The following APAF1 variants were observed in gnomAD, a reference collection of about 807,000 sequenced individuals.
APAF1 encodes the protein apoptotic peptidase activating factor 1.
A neutral mutation model predicts 152.4 loss-of-function variants in APAF1; 91 were observed. That is an observed-to-expected ratio of 0.60 (90% CI 0.50 to 0.71). The LOEUF (loss-of-function observed/expected upper bound fraction) is 0.71, where lower values mean the gene tolerates loss of function less well. APAF1 is among the 30% of genes least tolerant of loss of function. APAF1 has a pLI of 0.00. For missense variants in APAF1, 1,283 were observed against 1,472.0 expected, an observed-to-expected ratio of 0.87 and a Z score of 2.10; for synonymous variants, 484 against 494.1, an observed-to-expected ratio of 0.98 and a Z score of 0.27.
intron 15 of APAF1, among the ~76,000 whole-genome samples, chr12:98,685,424 CT>C (rs1205328828): frequency 1.3e-5 from 2 of 151,944 alleles, no homozygotes; most frequent in Non-Finnish European, 2.9e-5. Flanking sequence ...CAACCTCTGC[CT>C]CCCGGGTTCA....
intron 15 of APAF1, among the ~76,000 whole-genome samples, chr12:98,683,604 A>G (rs886906499): frequency 6.6e-6 from 1 of 152,130 alleles, no homozygotes; most frequent in Non-Finnish European, 1.5e-5. Context: ...AAATGTGGCT[A>G]CCTTACAGCT....
intron 1 of APAF1, among the ~76,000 whole-genome samples, chr12:98,647,245 G>A (rs1374682412): frequency 1.4e-5 from 2 of 143,780 alleles, no homozygotes; most frequent in African/African-American, 2.5e-5. Context: ...GTGAAACCCC[G>A]TCTGTACTAA....
chr12:98,695,318 T>C (rs952249848), intron 16 of APAF1, among the ~76,000 whole-genome samples: 1 of 151,674 alleles, frequency 6.6e-6, no homozygotes, highest in African/African-American at 2.4e-5. Flanking sequence ...CCCAAAGTTC[T>C]GGGATTACAG....
In APAF1 at chr12:98,706,511, G is replaced by A; in HGVS notation, c.2622G>A (p.Lys874=). Residue 874 remains lysine, a synonymous_variant, in exon 19 of 27, where the codon AAG becomes AAA. Coordinates refer to ENST00000551964, the MANE Select transcript of APAF1 (RefSeq NM_181861.2). ...VELWNTDSRS[K]VADCRGHLSW... ...TGTGGAATACAGACTCACGTTCAAA[G>A]GTGGCTGATTGCAGAGGACATTTAA... 1.2e-6 allele frequency: 2 copies of A among 1,614,040 alleles called. No individual in the cohort carries two copies. Among genetic ancestry groups the A allele is most frequent in the Non-Finnish European group, 1.7e-6 (2 of 1,179,926 alleles).
At chr12:98,727,569 C>T (rs559834927) in intron 26 of APAF1, among the ~76,000 whole-genome samples, 5 of 145,926 alleles carry the variant, frequency 3.4e-5, no homozygotes, top group Middle Eastern at 7.1e-3. Context: ...AAAAATCTGG[C>T]AGTAAAATGA....
At chr12:98,700,849 C>A (rs2097714640) in intron 17 of APAF1, among the ~76,000 whole-genome samples, 1 of 152,178 alleles carries the variant, frequency 6.6e-6, no homozygotes, top group African/African-American at 2.4e-5. Flanking sequence ...TAAATGGAAT[C>A]ATATAATATC....
chr12:98,649,846 G>C (rs1367732787), intron 4 of APAF1, among the ~76,000 whole-genome samples, 162 bp downstream of exon 4: 1 of 152,164 alleles, frequency 6.6e-6, no homozygotes, highest in Non-Finnish European at 1.5e-5. Flanking sequence ...GGGATGGATA[G>C]GACAAGCTTC....
In APAF1 at chr12:98,715,521, TTA is replaced by T; in HGVS notation, c.3055_3056del (p.Ile1019PhefsTer4). Reference sequence around the variant, plus strand: ...CAGTTCACAGCCGATGAGAAGACTCTTATTTCAAGTTCTGATGATGCTGAAAT... The same window carrying T: ...CAGTTCACAGCCGATGAGAAGACTCTTTTCAAGTTCTGATGATGCTGAAAT... On this transcript the variant is annotated frameshift_variant, in exon 22 of 27. Coordinates refer to ENST00000551964, the MANE Select transcript of APAF1 (RefSeq NM_181861.2). LOFTEE classifies it high-confidence loss of function. 6.2e-7 allele frequency: 1 copy of T among 1,613,758 alleles called. No individual in the cohort carries two copies. Among genetic ancestry groups the T allele is most frequent in the South Asian group, 1.1e-5 (1 of 91,056 alleles).
At chr12:98,661,696 C>T (rs568202004) in intron 5 of APAF1, among the ~76,000 whole-genome samples, 1 of 151,876 alleles carries the variant, frequency 6.6e-6, no homozygotes, top group African/African-American at 2.4e-5. Context: ...CTCAAACTCC[C>T]GACCTCAGGT....
intron 22 of APAF1, among the ~76,000 whole-genome samples, chr12:98,719,330 A>G (rs140641536): frequency 1.4e-3 from 208 of 151,950 alleles, no homozygotes; most frequent in African/African-American, 4.7e-3. Context: ...CATAATGCCG[A>G]TTTTGTTGCT....
chr12:98,694,051 G>GAGATA lies in APAF1; in HGVS notation c.2305-5357_2305-5356insAGATA, dbSNP rs112090662. Among the ~76,000 whole-genome samples, 112 of 152,234 alleles carry GAGATA rather than the reference G, an allele frequency of 7.4e-4. 1 individual carries two copies. Among genetic ancestry groups the GAGATA allele is most frequent in the African/African-American group, 2.5e-3 (105 of 41,550 alleles). On this transcript the variant is annotated intron_variant, in intron 16 of 26. Transcript: ENST00000551964. ...GAGAGGACTCTCTATTCAATAAATG[G>GAGATA]TGCTGGGATAACTGGCTAGCCATAT...
intron 13 of APAF1, among the ~76,000 whole-genome samples, 179 bp downstream of exon 13, chr12:98,677,730 T>G (rs955858015): frequency 6.6e-6 from 1 of 152,204 alleles, no homozygotes; most frequent in African/African-American, 2.4e-5. Context: ...AGTTACATGT[T>G]TTCCTAATTC....
intron 24 of APAF1, among the ~76,000 whole-genome samples, chr12:98,724,473 G>A (rs115297386): frequency 8.6e-4 from 131 of 152,242 alleles, no homozygotes; most frequent in African/African-American, 3.0e-3. Context: ...ATCTTTTTCT[G>A]CTATATTGTT....
At position 98,723,437 on chromosome 12, in the gene APAF1, T is replaced by C. The variant is rs1374822961; in HGVS notation, c.3204+125T>C. ...AAAAATTTTTAATTTTTCTCATGCT[T>C]GTTTTCTGTTAATTGCAGTCACCTA... On this transcript the variant is annotated intron_variant, in intron 23 of 26. Transcript: ENST00000551964. The C allele has an allele frequency of 4.4e-6, 5 of 1,148,228 alleles. No individual in the cohort carries two copies. In the African/African-American group the frequency reaches 4.7e-5, roughly 11 times the overall value. 71.1% of individuals were successfully genotyped at this position (1,148,228 alleles called of 1,614,324 possible). A position where few individuals can be genotyped will look rare whatever the true frequency, so the allele number is the denominator to read the frequency against.
intron 19 of APAF1, among the ~76,000 whole-genome samples, chr12:98,707,532 C>T (rs1199978630): frequency 6.6e-6 from 1 of 152,050 alleles, no homozygotes; most frequent in Non-Finnish European, 1.5e-5. Context: ...TTATTTCCAA[C>T]ACTCCACTGC....
chr12:98,664,993 T>A (rs1301255175), intron 7 of APAF1, among the ~76,000 whole-genome samples: 1 of 152,112 alleles, frequency 6.6e-6, no homozygotes, highest in African/African-American at 2.4e-5. Context: ...TTTTCACTAT[T>A]CTAAGTGTGC....
At chr12:98,686,185 C>T (rs899029630) in intron 15 of APAF1, among the ~76,000 whole-genome samples, 1 of 152,132 alleles carries the variant, frequency 6.6e-6, no homozygotes, top group Admixed American at 6.5e-5. Context: ...AGCATTTGTT[C>T]TGCCTCTTAA....
At chr12:98,660,988 C>T (rs192530110) in intron 5 of APAF1, among the ~76,000 whole-genome samples, 166 of 152,276 alleles carry the variant, frequency 1.1e-3, no homozygotes, top group African/African-American at 3.8e-3. Flanking sequence ...ACTGAAGCTC[C>T]GCTTCCTGGG....
intron 6 of APAF1, 40 bp from the exon 7 acceptor site, chr12:98,662,635 T>C: frequency 6.2e-7 from 1 of 1,610,662 alleles, no homozygotes; most frequent in Non-Finnish European, 8.5e-7. Flanking sequence ...ATATGTGACA[T>C]ACCAAATTAC....
Sources: allele counts gnomAD v4.1 joint callset (sites outside exome capture counted in the v4.1 genomes callset), GRCh38; gene constraint gnomAD v4.1.1; transcripts MANE v1.5; gene names NCBI Gene and HGNC (gene_info 2026-07-23, HGNC 2026-07-21).